KIRREL3: variants seen among roughly 807,000 people sequenced by gnomAD.
The protein encoded by KIRREL3 is kin of IRRE-like protein 3.
KIRREL3 carries 36 observed loss-of-function variants against 89.7 expected under a neutral mutation model. The observed-to-expected ratio is 0.40, with a 90% CI of 0.31 to 0.53. KIRREL3 has a LOEUF of 0.53. Ranked by LOEUF, KIRREL3 falls within the 20% of genes least tolerant of loss-of-function variation. The pLI is 0.49. For missense variants in KIRREL3, 864 were observed against 1,056.6 expected (o/e 0.82, Z 2.53); for synonymous variants, 445 against 441.4 (o/e 1.01, Z -0.10).
chr11:126,531,886 T>A lies in KIRREL3; in HGVS notation c.134-5199A>T, dbSNP rs558241903. Among the ~76,000 whole-genome samples the A allele has an allele frequency of 3.3e-5, 5 of 152,250 alleles. No individual in the cohort carries two copies. The East Asian group carries it at 5.8e-4, about 18-fold the overall frequency. On this transcript the variant is annotated intron_variant, in intron 2 of 16. Coordinates refer to ENST00000525144, the MANE Select transcript of KIRREL3 (RefSeq NM_032531.4). This position sits in a 1 kb window ranked among gnomAD's most constrained non-coding sequence, Gnocchi z 4.7. ...GTCACATGTGCCTTTGTACTTAGAGTTTGCCTGCTCTGGTTGGTCTGCTGA... is the reference window on the plus strand; with the variant it reads ...GTCACATGTGCCTTTGTACTTAGAGATTGCCTGCTCTGGTTGGTCTGCTGA...
chr11:126,839,906 T>G (rs1401366830), intron 1 of KIRREL3, among the ~76,000 whole-genome samples: 1 of 152,222 alleles, frequency 6.6e-6, no homozygotes, highest in African/African-American at 2.4e-5. Context: ...AATATTTAAG[T>G]GGACAAGGAT....
At position 126,598,919 on chromosome 11, in the gene KIRREL3, G is replaced by A. The variant is rs1939297; in HGVS notation, c.56-36007C>T. The stretch of plus-strand genomic sequence containing the variant: ...TTCTCAACCCCAGTCTGAAGATCAC[G>A]TGGTTTTTGTGCCTGAGCAGTGGCT... On this transcript the variant is annotated intron_variant, in intron 1 of 16. Coordinates refer to ENST00000525144, the MANE Select transcript of KIRREL3 (RefSeq NM_032531.4). Among the ~76,000 whole-genome samples the A allele has an allele frequency of 3.8e-3, 584 of 152,310 alleles. 1 individual carries two copies. The highest frequency in any genetic ancestry group is 0.014 in the Middle Eastern group (4 of 294).
intron 1 of KIRREL3, among the ~76,000 whole-genome samples, chr11:126,582,856 C>T (rs1941629533): frequency 6.6e-6 from 1 of 152,208 alleles, no homozygotes; most frequent in Non-Finnish European, 1.5e-5. Context: ...ATCTGATGCA[C>T]TGAAGAAGTA....
intron 1 of KIRREL3, among the ~76,000 whole-genome samples, chr11:126,799,742 C>G (rs1167331831): frequency 6.6e-6 from 1 of 152,156 alleles, no homozygotes; most frequent in Non-Finnish European, 1.5e-5. Flanking sequence ...GGAAACCCCT[C>G]TGCCCCCAGT....
At chr11:126,497,110 C>CTGTGTGTG (rs60261632) in intron 4 of KIRREL3, among the ~76,000 whole-genome samples, 9 of 149,010 alleles carry the variant, frequency 6.0e-5, no homozygotes, top group African/African-American at 2.0e-4. Context: ...GCCTGCTTGG[C>CTGTGTGTG]TGTGTGTGTG....
Position 126,635,561 on chromosome 11 carries a change from G to A in KIRREL3, c.56-72649C>T, listed in dbSNP as rs79739034. Among the ~76,000 whole-genome samples the A allele has an allele frequency of 0.028, 4,308 of 152,210 alleles. 189 individuals are homozygous for A. The highest frequency in any genetic ancestry group is 0.094 in the African/African-American group (3,884 of 41,514). ...GGGAGGGAGGAGAAGGCTGGATGCT[G>A]GGTTCCCATTGTACACCCCCAGCAA... is the stretch of plus-strand genomic sequence containing the variant. On this transcript the variant is annotated intron_variant, in intron 1 of 16. Coordinates refer to ENST00000525144, the MANE Select transcript of KIRREL3 (RefSeq NM_032531.4). This position sits in a 1 kb window ranked among gnomAD's most constrained non-coding sequence, Gnocchi z 4.0.
At chr11:126,672,333 G>T (rs1840918385) in intron 1 of KIRREL3, among the ~76,000 whole-genome samples, 1 of 152,210 alleles carries the variant, frequency 6.6e-6, no homozygotes, top group Non-Finnish European at 1.5e-5. Context: ...GGACAGGGTG[G>T]TGCTGACATC....
rs549648404 is a variant in KIRREL3, at chr11:126,587,586, A to C, written c.56-24674T>G. Among the ~76,000 whole-genome samples the C allele has an allele frequency of 2.0e-5, 3 of 152,190 alleles. No individual in the cohort carries two copies. The highest frequency in any genetic ancestry group is 4.4e-5 in the Non-Finnish European group (3 of 68,040). On this transcript the variant is annotated intron_variant, in intron 1 of 16. Coordinates refer to ENST00000525144, the MANE Select transcript of KIRREL3 (RefSeq NM_032531.4). This position sits in a 1 kb window ranked among gnomAD's most constrained non-coding sequence, Gnocchi z 5.2. ...AGGAGCCAGAAATGCACCCAAACTG[A>C]AAGAGGAGCACGCAGCACCAATCCC...
intron 1 of KIRREL3, among the ~76,000 whole-genome samples, chr11:126,861,671 C>T (rs778060003): frequency 3.3e-5 from 5 of 152,152 alleles, no homozygotes; most frequent in Non-Finnish European, 5.9e-5. Flanking sequence ...ATGTAAAAGC[C>T]CTTTGTAAAT....
intron 1 of KIRREL3, among the ~76,000 whole-genome samples, chr11:126,692,619 A>G (rs1215138419): frequency 2.0e-5 from 3 of 152,026 alleles, no homozygotes; most frequent in African/African-American, 7.2e-5. Context: ...ATGGATAAAC[A>G]AAATATAGCA....
chr11:126,754,550 T>C lies in KIRREL3; in HGVS notation c.56-191638A>G, dbSNP rs1393493269. Among the ~76,000 whole-genome samples the C allele has an allele frequency of 1.3e-5, 2 of 152,070 alleles. No homozygotes were observed. The highest frequency in any genetic ancestry group is 2.4e-5 in the African/African-American group (1 of 41,408). Reference sequence around the variant, plus strand: ...CTACAAACTGCATGTCTTTGCTAGATACCGCTGAAGGGGATCGTCTGCGAA... The same window carrying C: ...CTACAAACTGCATGTCTTTGCTAGACACCGCTGAAGGGGATCGTCTGCGAA... On this transcript the variant is annotated intron_variant, in intron 1 of 16. Transcript: ENST00000525144. The surrounding 1 kb of genome is among the most constrained non-coding windows in gnomAD (Gnocchi z 5.1).
intron 4 of KIRREL3, among the ~76,000 whole-genome samples, chr11:126,511,672 C>G (rs1958227031): frequency 6.6e-6 from 1 of 152,206 alleles, no homozygotes; most frequent in Non-Finnish European, 1.5e-5. Flanking sequence ...CTCCGCGAGT[C>G]TGCCTTGGGT....
In KIRREL3 at chr11:126,429,482, G is replaced by A. The variant is rs1285832061; in HGVS notation, c.1697-194C>T. ...TGCTGTGGGTGTTTGGGCCTCAGAGGAGGCTGACCCCATGGCCGGCCTGCC... is the reference window on the plus strand; with the variant it reads ...TGCTGTGGGTGTTTGGGCCTCAGAGAAGGCTGACCCCATGGCCGGCCTGCC... On this transcript the variant is annotated intron_variant, in intron 14 of 16. Transcript: ENST00000525144. This position sits in a 1 kb window ranked among gnomAD's most constrained non-coding sequence, Gnocchi z 5.2. 6.6e-6 allele frequency among the ~76,000 whole-genome samples: 1 copy of A among 152,184 alleles called. No homozygotes were observed. Among genetic ancestry groups the A allele is most frequent in the African/African-American group, 2.4e-5 (1 of 41,450 alleles).
rs1166502814 is a variant in KIRREL3, at chr11:126,508,048, G to C, written c.433+13267C>G. ...GGGTAGGGCAGAGATAGTCCTTCCT[G>C]GGGGGTGGCTGTGTGGCCATCAGCC... On this transcript the variant is annotated intron_variant, in intron 4 of 16. Coordinates refer to ENST00000525144, the MANE Select transcript of KIRREL3 (RefSeq NM_032531.4). This position sits in a 1 kb window ranked among gnomAD's most constrained non-coding sequence, Gnocchi z 4.9. 1.3e-5 allele frequency among the ~76,000 whole-genome samples: 2 copies of C among 152,212 alleles called. No homozygotes were observed. The highest frequency in any genetic ancestry group is 4.1e-4 in the South Asian group (2 of 4,832).
chr11:126,428,475 G>A lies in KIRREL3; in HGVS notation c.1806+704C>T, dbSNP rs761952561. 5.9e-5 allele frequency among the ~76,000 whole-genome samples: 9 copies of A among 152,134 alleles called. No homozygotes were observed. The highest frequency in any genetic ancestry group is 1.3e-4 in the Non-Finnish European group (9 of 68,024). On this transcript the variant is annotated intron_variant, in intron 15 of 16. Transcript: ENST00000525144. The surrounding 1 kb of genome is among the most constrained non-coding windows in gnomAD (Gnocchi z 6.4). ...GTGTTTCTTGCAGACTGTTTTGGTGGGGTGCGGGGGATGAGGGAGAGGGAC... is the reference window on the plus strand; with the variant it reads ...GTGTTTCTTGCAGACTGTTTTGGTGAGGTGCGGGGGATGAGGGAGAGGGAC...
At chr11:126,602,846 G>A (rs1222741939) in intron 1 of KIRREL3, among the ~76,000 whole-genome samples, 1 of 152,214 alleles carries the variant, frequency 6.6e-6, no homozygotes, top group African/African-American at 2.4e-5. Context: ...CTTTTCATGA[G>A]CTGCTCTGGA....
chr11:126,627,759 G>A lies in KIRREL3; in HGVS notation c.56-64847C>T, dbSNP rs1375539236. ...GAGAAGAATGTTCTTTATGGGGGGT[G>A]TTGGCAGGATTAGAGGGATGTCAGA... On this transcript the variant is annotated intron_variant, in intron 1 of 16. Transcript: ENST00000525144. This position sits in a 1 kb window ranked among gnomAD's most constrained non-coding sequence, Gnocchi z 5.0. Among the ~76,000 whole-genome samples, 1 of 152,200 alleles carries A rather than the reference G, an allele frequency of 6.6e-6. No homozygotes were observed. The highest frequency in any genetic ancestry group is 1.5e-5 in the Non-Finnish European group (1 of 68,036).
intron 1 of KIRREL3, among the ~76,000 whole-genome samples, chr11:126,711,517 G>A (rs544508685): frequency 6.6e-5 from 10 of 152,208 alleles, no homozygotes; most frequent in African/African-American, 1.4e-4. Flanking sequence ...AACTGAGATC[G>A]CGCCACTGCA....
chr11:126,913,486 G>A (rs886471668), intron 1 of KIRREL3, among the ~76,000 whole-genome samples: 4 of 152,186 alleles, frequency 2.6e-5, no homozygotes, highest in Non-Finnish European at 5.9e-5. Flanking sequence ...GACTGTAAAC[G>A]CAGAGTGTCT....
Sources: allele counts gnomAD v4.1 joint callset (sites outside exome capture counted in the v4.1 genomes callset), GRCh38; gene constraint gnomAD v4.1.1; non-coding constraint Gnocchi (gnomAD v3.1); transcripts MANE v1.5; gene names NCBI Gene and HGNC (gene_info 2026-07-23, HGNC 2026-07-21).